Variants in MFHAS1 observed in about 807,000 individuals in gnomAD.
The protein encoded by MFHAS1 is multifunctional ROCO family signaling regulator 1.
A neutral mutation model predicts 70.4 loss-of-function variants in MFHAS1; 50 were observed. The observed-to-expected ratio is 0.71, with a 90% CI of 0.57 to 0.90. The LOEUF is 0.90. Among genes scored for constraint, MFHAS1 ranks in the 40% least tolerant of loss-of-function variants. MFHAS1 has a pLI of 0.00. For synonymous variants in MFHAS1, 952 were observed against 620.0 expected, an observed-to-expected ratio of 1.54 and a Z score of -7.96; for missense variants, 1,795 against 1,347.6, an observed-to-expected ratio of 1.33 and a Z score of -5.20.
Position 8,891,372 on chromosome 8 carries a change from TCTC to T in MFHAS1, c.1684_1686del (p.Glu562del). 6.2e-7 allele frequency: 1 copy of T among 1,611,572 alleles called. No individual in the cohort carries two copies. The highest frequency in any genetic ancestry group is 8.5e-7 in the Non-Finnish European group (1 of 1,179,984). ...CGGCTCAGTCCCTCCGCGTCGTGCT[TCTC>T]CTGCAGGGCGATCTGGCGGTGAATG... On this transcript the variant is annotated inframe_deletion, in exon 1 of 3. Transcript: ENST00000276282. This position sits in a 1 kb window ranked among gnomAD's most constrained non-coding sequence, Gnocchi z 5.4.
At chr8:8,847,014 G>C (rs1047137600) in intron 1 of MFHAS1, among the ~76,000 whole-genome samples, 2 of 152,116 alleles carry the variant, frequency 1.3e-5, no homozygotes, top group African/African-American at 4.8e-5. Flanking sequence ...ATGAATAAAT[G>C]AATGAGTGAA....
At chr8:8,832,824 G>A (rs1473889093) in intron 1 of MFHAS1, among the ~76,000 whole-genome samples, 1 of 151,756 alleles carries the variant, frequency 6.6e-6, no homozygotes, top group Non-Finnish European at 1.5e-5. Flanking sequence ...TTGTCGAGGC[G>A]AGGTCTCTTT....
At position 8,890,824 on chromosome 8, in the gene MFHAS1, G is replaced by A. The variant is rs768273360; in HGVS notation, c.2235C>T (p.Pro745=). 2 of 1,614,244 alleles carry A rather than the reference G, an allele frequency of 1.2e-6. No homozygotes were observed. Among genetic ancestry groups the A allele is most frequent in the South Asian group, 2.2e-5 (2 of 91,084 alleles). ...GGAGCAGCTTATGCAGCAGCAAAGAGGGATCCCTCTGGAAGAAGACATTGA... is the reference window on the plus strand; with the variant it reads ...GGAGCAGCTTATGCAGCAGCAAAGAAGGATCCCTCTGGAAGAAGACATTGA... ...DILNVFFQRD[P]SLLLHKLLLG... The change falls in exon 1 of 3, where the codon CCC becomes CCT. Residue 745 remains proline (P), a synonymous_variant. Coordinates refer to ENST00000276282, the MANE Select transcript of MFHAS1 (RefSeq NM_004225.3).
rs150058043 is a variant in MFHAS1, at chr8:8,813,294, G to C, written c.2999-15803C>G. 3.8e-3 allele frequency among the ~76,000 whole-genome samples: 572 copies of C among 152,252 alleles called. 2 individuals carry two copies. The highest frequency in any genetic ancestry group is 0.013 in the African/African-American group (543 of 41,536). ...ATAATAACAAACGACTATGTTACTG[G>C]ATTATGTGCTTACTATACTATACTT... On this transcript the variant is annotated intron_variant, in intron 1 of 2. Coordinates refer to ENST00000276282, the MANE Select transcript of MFHAS1 (RefSeq NM_004225.3).
intron 1 of MFHAS1, among the ~76,000 whole-genome samples, chr8:8,848,950 T>C (rs1808136611): frequency 6.6e-6 from 1 of 152,112 alleles, no homozygotes; most frequent in African/African-American, 2.4e-5. Context: ...AAAACACTAT[T>C]ATACTTACTT....
intron 1 of MFHAS1, among the ~76,000 whole-genome samples, chr8:8,887,231 T>C (rs1175431342): frequency 1.3e-5 from 2 of 152,226 alleles, no homozygotes; most frequent in Non-Finnish European, 2.9e-5. Context: ...AGGGATTCAA[T>C]GAATCTATTT....
intron 1 of MFHAS1, among the ~76,000 whole-genome samples, chr8:8,852,218 C>G (rs1221889516): frequency 1.3e-5 from 2 of 152,124 alleles, no homozygotes; most frequent in Non-Finnish European, 2.9e-5. Context: ...TGACTCACAC[C>G]TGTAATCACA....
chr8:8,845,104 G>A (rs143954869), intron 1 of MFHAS1, among the ~76,000 whole-genome samples: 13 of 152,260 alleles, frequency 8.5e-5, no homozygotes, highest in Admixed American at 3.9e-4. Flanking sequence ...TTAGAGTTAC[G>A]AACAGAAATT....
chr8:8,826,642 A>G (rs1263219535), intron 1 of MFHAS1, among the ~76,000 whole-genome samples: 1 of 152,192 alleles, frequency 6.6e-6, no homozygotes, highest in Non-Finnish European at 1.5e-5. Context: ...CTGAGGCAGG[A>G]CAATCGCTTG....
At chr8:8,880,745 C>A (rs113181241) in intron 1 of MFHAS1, among the ~76,000 whole-genome samples, 4 of 151,146 alleles carry the variant, frequency 2.6e-5, no homozygotes, top group African/African-American at 9.7e-5. Context: ...AGTATAGCGG[C>A]GCAATCTCAG....
chr8:8,869,415 G>A (rs1396028864), intron 1 of MFHAS1, among the ~76,000 whole-genome samples: 1 of 152,098 alleles, frequency 6.6e-6, no homozygotes, highest in Non-Finnish European at 1.5e-5. Context: ...GCGACAATCA[G>A]CATCATTTAT....
At chr8:8,802,620 T>TG in intron 1 of MFHAS1, among the ~76,000 whole-genome samples, 1 of 152,104 alleles carries the variant, frequency 6.6e-6, no homozygotes, top group Admixed American at 6.6e-5. Context: ...TTACAAGGAA[T>TG]GAAGGGTAGG....
intron 1 of MFHAS1, among the ~76,000 whole-genome samples, chr8:8,817,178 G>A (rs867299999): frequency 1.3e-5 from 2 of 151,752 alleles, no homozygotes; most frequent in Admixed American, 6.6e-5. Flanking sequence ...CATCTAAACT[G>A]GATATTACAT....
rs112817735 is a variant in MFHAS1 at position 8,789,317 on chromosome 8, G to C, written c.3126-3262C>G. On this transcript the variant is annotated intron_variant, in intron 2 of 2. Transcript: ENST00000276282. ...CCTAGCTTGGAGCCGATGGTACAAA[G>C]CTACGCTGTTACCCAAGACAGGTCA... is the stretch of plus-strand genomic sequence containing the variant. 7.2e-3 allele frequency among the ~76,000 whole-genome samples: 1,095 copies of C among 152,348 alleles called. 14 individuals are homozygous for C. The highest frequency in any genetic ancestry group is 0.025 in the African/African-American group (1,028 of 41,580).
chr8:8,889,910 G>A (rs1267516486), intron 1 of MFHAS1, 151 bp downstream of exon 1: 4 of 639,810 alleles, frequency 6.3e-6, no homozygotes, highest in African/African-American at 1.8e-5. Flanking sequence ...ACTACCTTTT[G>A]CTCATCTCCA....
At chr8:8,787,350 G>A (rs1321918637) in intron 2 of MFHAS1, among the ~76,000 whole-genome samples, 7 of 152,134 alleles carry the variant, frequency 4.6e-5, no homozygotes, top group Non-Finnish European at 8.8e-5. Context: ...AAAGTACTGG[G>A]ATTACAGGTG....
At chr8:8,787,273 G>C (rs528974646) in intron 2 of MFHAS1, among the ~76,000 whole-genome samples, 4 of 151,940 alleles carry the variant, frequency 2.6e-5, no homozygotes, top group Non-Finnish European at 5.9e-5. Context: ...GTAGAGATGG[G>C]GTTTCACCAT....
chr8:8,857,469 T>C lies in MFHAS1; in HGVS notation c.2998+32592A>G, dbSNP rs138560715. Among the ~76,000 whole-genome samples, 294 of 152,248 alleles carry C rather than the reference T, an allele frequency of 1.9e-3. 1 individual carries two copies. Among genetic ancestry groups the C allele is most frequent in the Non-Finnish European group, 2.9e-3 (194 of 68,034 alleles). ...AAATAATAAGAATTCTAATTAAAAA[T>C]GAGTTCAGGCCCGGCGCGGTGTCTA... On this transcript the variant is annotated intron_variant, in intron 1 of 2. Coordinates refer to ENST00000276282, the MANE Select transcript of MFHAS1 (RefSeq NM_004225.3).
chr8:8,798,028 G>T (rs1470751220), intron 1 of MFHAS1, among the ~76,000 whole-genome samples: 1 of 152,210 alleles, frequency 6.6e-6, no homozygotes, highest in Non-Finnish European at 1.5e-5. Context: ...GGATTGCCCT[G>T]ATAGGTATGT....
Sources: gnomAD v4.1 joint callset for allele counts (sites outside exome capture counted in the v4.1 genomes callset) on GRCh38, gnomAD v4.1.1 for gene constraint, Gnocchi (gnomAD v3.1) non-coding constraint, MANE v1.5 for transcripts, NCBI Gene and HGNC (gene_info 2026-07-23, HGNC 2026-07-21) for gene names.